Variants in DCHS2 observed in about 807,000 individuals in gnomAD.
The protein encoded by DCHS2 is dachsous cadherin-related 2, also known as protocadherin-23.
In DCHS2, 142 loss-of-function variants were observed where a neutral mutation model predicts 182.4. The ratio of observed to expected loss-of-function variants is 0.78; its 90% CI spans 0.68 to 0.89. DCHS2 has a LOEUF of 0.89. DCHS2 is among the 40% of genes least tolerant of loss of function. DCHS2 has a pLI of 0.00. For missense variants in DCHS2, 4,319 were observed against 4,198.6 expected, an observed-to-expected ratio of 1.03 and a Z score of -0.79; for synonymous variants, 1,740 against 1,663.3, an observed-to-expected ratio of 1.05 and a Z score of -1.12.
chr4:154,375,667 G>A (rs1264301083), intron 2 of DCHS2, among the ~76,000 whole-genome samples: 1 of 151,846 alleles, frequency 6.6e-6, no homozygotes, highest in Admixed American at 6.6e-5. Flanking sequence ...AATAAAAAAG[G>A]CATTAAATAT....
rs1316271135 is a variant in DCHS2, at chr4:154,490,940, T to C, written c.416A>G (p.Tyr139Cys). ...CAGCAGCGTGGCGGCGACGAAGCTGTAGTGGTCCCGCCGCTCGCGGTCCAG... is the reference window on the plus strand; with the variant it reads ...CAGCAGCGTGGCGGCGACGAAGCTGCAGTGGTCCCGCCGCTCGCGGTCCAG... ...RRLDRERRDH[Y>C]SFVAATLLGA... The change falls in exon 1 of 20, where the codon TAC (tyrosine) becomes TGC (cysteine). Residue 139 changes from tyrosine to cysteine, a missense_variant. Tyr to Cys is a radical substitution (Grantham distance 194). Transcript: ENST00000357232. 1.3e-6 allele frequency: 2 copies of C among 1,550,474 alleles called. No individual in the cohort carries two copies. The highest frequency in any genetic ancestry group is 1.7e-4 in the Middle Eastern group (1 of 6,012).
chr4:154,316,043 T>C, intron 9 of DCHS2, 56 bp from the exon 10 acceptor site: 7 of 1,597,218 alleles, frequency 4.4e-6, no homozygotes, highest in Non-Finnish European at 6.0e-6. Context: ...AGAGAAGTCA[T>C]GCTTACTCCA....
At chr4:154,286,192 C>T (rs191914120) in intron 13 of DCHS2, among the ~76,000 whole-genome samples, 43 of 152,152 alleles carry the variant, frequency 2.8e-4, no homozygotes, top group Non-Finnish European at 4.7e-4. Context: ...GATCACAACA[C>T]CAAAGTCACT....
Position 154,304,829 on chromosome 4 carries a change from G to A in DCHS2, c.5445C>T (p.Ile1815=). Residue 1815 remains isoleucine (I), a synonymous_variant, in exon 12 of 20, where the codon ATC becomes ATT. Transcript: ENST00000357232. The part of the protein sequence containing the change: ...GFPSLSSTTT[I]LCTVEDENDH... Reference sequence around the variant, plus strand: ...CGTTTTCATCTTCAACAGTGCAGAGGATTGTTGTGGTGCTGGACAATGAAG... The same window carrying A: ...CGTTTTCATCTTCAACAGTGCAGAGAATTGTTGTGGTGCTGGACAATGAAG... 1 of 1,613,768 alleles carries A rather than the reference G, an allele frequency of 6.2e-7. No homozygotes were observed. The highest frequency in any genetic ancestry group is 1.1e-5 in the South Asian group (1 of 91,036).
chr4:154,252,668 T>C (rs1056295350), intron 16 of DCHS2, among the ~76,000 whole-genome samples: 1 of 152,020 alleles, frequency 6.6e-6, no homozygotes, highest in Non-Finnish European at 1.5e-5. Flanking sequence ...CTTTTTTTCT[T>C]TTAATGGCTA....
In DCHS2 at chr4:154,259,537, T is replaced by C; in HGVS notation, c.6789+8A>G. The C allele has an allele frequency of 1.2e-6, 2 of 1,613,100 alleles. No individual in the cohort carries two copies. Among genetic ancestry groups the C allele is most frequent in the Non-Finnish European group, 1.7e-6 (2 of 1,179,848 alleles). ...ACACACACACACACACAAATATATT[T>C]CTGTTACCTGTATGACATGAGCATT... On this transcript the variant is annotated splice_region_variant and intron_variant, in intron 15 of 19. Coordinates refer to ENST00000357232, the MANE Select transcript of DCHS2 (RefSeq NM_001358235.2).
intron 1 of DCHS2, among the ~76,000 whole-genome samples, chr4:154,479,904 T>TA (rs1560782688): frequency 6.6e-6 from 1 of 152,178 alleles, no homozygotes; most frequent in Non-Finnish European, 1.5e-5. Flanking sequence ...AAATGCCATA[T>TA]AAAAATTCTT....
At chr4:154,367,111 C>A (rs1283790604) in intron 2 of DCHS2, among the ~76,000 whole-genome samples, 1 of 152,274 alleles carries the variant, frequency 6.6e-6, no homozygotes, top group South Asian at 2.1e-4. Context: ...GCCTGCTCAG[C>A]CGCAGCAAGG....
intron 1 of DCHS2, among the ~76,000 whole-genome samples, chr4:154,451,454 T>C (rs1294952649): frequency 6.6e-6 from 1 of 152,170 alleles, no homozygotes; most frequent in East Asian, 1.9e-4. Context: ...TTAATATATA[T>C]AGGCTCAAAG....
At chr4:154,346,772 C>T (rs1729380333) in intron 3 of DCHS2, among the ~76,000 whole-genome samples, 1 of 151,816 alleles carries the variant, frequency 6.6e-6, no homozygotes, top group South Asian at 2.1e-4. Flanking sequence ...TTCCTAGATA[C>T]CCATCGAAAA....
chr4:154,249,725 A>G (rs1732260853), intron 16 of DCHS2, among the ~76,000 whole-genome samples: 1 of 152,188 alleles, frequency 6.6e-6, no homozygotes, highest in African/African-American at 2.4e-5. Flanking sequence ...AAAAAGAATA[A>G]AATCATGTCT....
intron 2 of DCHS2, chr4:154,373,858 C>T: frequency 1.4e-6 from 2 of 1,379,400 alleles, no homozygotes; most frequent in South Asian, 1.2e-5. Flanking sequence ...GAAGCTCTGA[C>T]AACCCATTTC....
At chr4:154,352,752 G>A (rs1467814951) in intron 3 of DCHS2, among the ~76,000 whole-genome samples, 1 of 152,148 alleles carries the variant, frequency 6.6e-6, no homozygotes, top group Non-Finnish European at 1.5e-5. Flanking sequence ...AGTGATGTGA[G>A]AAACCTAGAG....
chr4:154,333,044 G>T lies in DCHS2; in HGVS notation c.3164C>A (p.Ala1055Asp), dbSNP rs1403834862. ...CTGAGGATGCACGCCTTGGTCCTCGGCCCTGAGAGTCAGCGTGAGCTCCCG... is the reference window on the plus strand; with the variant it reads ...CTGAGGATGCACGCCTTGGTCCTCGTCCCTGAGAGTCAGCGTGAGCTCCCG... ...EQRELTLTLR[A>D]EDQGVHPQAA... Residue 1055 changes from alanine (A) to aspartate (D), a missense_variant, in exon 5 of 20, where the codon GCC (alanine) becomes GAC (aspartate). Coordinates refer to ENST00000357232, the MANE Select transcript of DCHS2 (RefSeq NM_001358235.2). The T allele has an allele frequency of 6.2e-7, 1 of 1,614,098 alleles. No homozygotes were observed. The highest frequency in any genetic ancestry group is 1.7e-5 in the Admixed American group (1 of 60,032).
At chr4:154,369,528 T>C (rs1730541665) in intron 2 of DCHS2, among the ~76,000 whole-genome samples, 1 of 152,196 alleles carries the variant, frequency 6.6e-6, no homozygotes, top group African/African-American at 2.4e-5. Flanking sequence ...TGGAAACTGT[T>C]TCGATAATGC....
At chr4:154,487,920 G>A (rs1490068665) in intron 1 of DCHS2, among the ~76,000 whole-genome samples, 4 of 152,192 alleles carry the variant, frequency 2.6e-5, no homozygotes, top group African/African-American at 4.8e-5. Context: ...GCTTATGCCT[G>A]TAATCCCAGC....
intron 10 of DCHS2, among the ~76,000 whole-genome samples, chr4:154,310,336 T>C (rs761199515): frequency 6.6e-6 from 1 of 152,220 alleles, no homozygotes; most frequent in Non-Finnish European, 1.5e-5. Flanking sequence ...AGAGTCAGAA[T>C]TTAATGTGTT....
At chr4:154,332,416 G>T in intron 5 of DCHS2, 62 bp downstream of exon 5, 3 of 1,369,800 alleles carry the variant, frequency 2.2e-6, no homozygotes, top group Non-Finnish European at 3.0e-6. Flanking sequence ...TTTACTTAAA[G>T]ACGAGTGTGA....
intron 3 of DCHS2, among the ~76,000 whole-genome samples, chr4:154,365,645 A>G (rs796614773): frequency 2.5e-4 from 38 of 149,924 alleles, no homozygotes; most frequent in African/African-American, 9.0e-4. Context: ...AGCCCAGATA[A>G]CAGTACTTTT....
Sources: allele counts gnomAD v4.1 joint callset (sites outside exome capture counted in the v4.1 genomes callset), GRCh38; gene constraint gnomAD v4.1.1; transcripts MANE v1.5; gene names NCBI Gene and HGNC (gene_info 2026-07-23, HGNC 2026-07-21).